SLA: variants seen among roughly 807,000 people sequenced by gnomAD.
The protein encoded by SLA is src-like-adapter.
Under a neutral mutation model 30.3 loss-of-function variants are expected in SLA, and 16 were observed. That is an observed-to-expected ratio of 0.53 (90% CI 0.36 to 0.80). The LOEUF is 0.80. Ranked by LOEUF, SLA falls within the 30% of genes least tolerant of loss-of-function variation. The probability of loss-of-function intolerance (pLI) is 0.01; values close to 1 mark genes in which losing one functional copy is unlikely to be tolerated. For synonymous variants in SLA, 143 were observed against 137.8 expected, an observed-to-expected ratio of 1.04 and a Z score of -0.26; for missense variants, 310 against 345.2, an observed-to-expected ratio of 0.90 and a Z score of 0.81.
At chr8:133,101,214 C>T (rs562753078) in intron 1 of SLA, among the ~76,000 whole-genome samples, 366 of 152,274 alleles carry the variant, frequency 2.4e-3, no homozygotes, top group Non-Finnish European at 4.2e-3. Context: ...GATTCTACCC[C>T]ACACAGAACT....
rs185010044 is a variant in SLA, at chr8:133,055,218, C to A, written c.62-4303G>T. On this transcript the variant is annotated intron_variant, in intron 3 of 8. Transcript: ENST00000338087. ...CAGGGTTAGCATAAGCAGCTCAGGG[C>A]AACTGGTGGGTAGGGAGCTGTACAG... Among the ~76,000 whole-genome samples, 288 of 152,202 alleles carry A rather than the reference C, an allele frequency of 1.9e-3. 1 individual carries two copies. The highest frequency in any genetic ancestry group is 6.7e-3 in the African/African-American group (280 of 41,512).
intron 3 of SLA, among the ~76,000 whole-genome samples, chr8:133,055,829 A>G (rs1325387257): frequency 8.7e-5 from 1 of 11,454 alleles, no homozygotes; most frequent in Admixed American, 4.6e-4. Context: ...CATCACCAGC[A>G]GCAGCAGCAG....
chr8:133,077,988 T>C (rs1845165706), intron 1 of SLA, among the ~76,000 whole-genome samples: 1 of 151,996 alleles, frequency 6.6e-6, no homozygotes, highest in Admixed American at 6.6e-5. Flanking sequence ...ATAAGACACG[T>C]GTGAAGGTTG....
In SLA at chr8:133,037,186, G is replaced by C. The variant is rs1450877347; in HGVS notation, c.*1338C>G. On this transcript the variant is annotated 3_prime_UTR_variant, in exon 9 of 9. Coordinates refer to ENST00000338087, the MANE Select transcript of SLA (RefSeq NM_001045556.3). ...TTCCCCAGGATCCCTTTGAAACAGG[G>C]AAACATGAGTCACAGATTCATCTGC... 6.6e-6 allele frequency: 1 copy of C among 152,190 alleles called. No individual in the cohort carries two copies. Among genetic ancestry groups the C allele is most frequent in the Non-Finnish European group, 1.5e-5 (1 of 68,044 alleles). 9.4% of individuals were successfully genotyped at this position (152,190 alleles called of 1,614,324 possible).
intron 1 of SLA, among the ~76,000 whole-genome samples, chr8:133,079,860 TG>T (rs745621100): frequency 6.6e-6 from 1 of 152,024 alleles, no homozygotes; most frequent in Non-Finnish European, 1.5e-5. Flanking sequence ...AAACTGTTGA[TG>T]GGATTCCCAT....
chr8:133,042,639 A>C (rs1394830736), intron 7 of SLA, among the ~76,000 whole-genome samples: 1 of 147,454 alleles, frequency 6.8e-6, no homozygotes, highest in African/African-American at 2.5e-5. Flanking sequence ...GCTAGATGTC[A>C]ATTCAAACCC....
chr8:133,067,173 C>A (rs1372550245), intron 2 of SLA, among the ~76,000 whole-genome samples: 2 of 152,158 alleles, frequency 1.3e-5, no homozygotes, highest in Non-Finnish European at 2.9e-5. Context: ...CCTGACCTCA[C>A]TTCACAGGTG....
Position 133,038,643 on chromosome 8 carries a change from A to C in SLA, c.712T>G (p.Ser238Ala). Reference protein sequence around the residue: ...GLRESIASYLSLTSEDNTSFD... With the variant: ...GLRESIASYLALTSEDNTSFD... Reference sequence around the variant, plus strand: ...GAGGTGTTGTCCTCACTGGTCAGGGACAGGTAAGAGGCAATGCTCTCTCGA... The same window carrying C: ...GAGGTGTTGTCCTCACTGGTCAGGGCCAGGTAAGAGGCAATGCTCTCTCGA... The change falls in exon 9 of 9, where the codon TCC becomes GCC. Residue 238 changes from serine (S) to alanine (A), a missense_variant. Ser to Ala is a moderately conservative substitution (Grantham distance 99). Transcript: ENST00000338087. 4 of 1,613,932 alleles carry C rather than the reference A, an allele frequency of 2.5e-6. No homozygotes were observed. The South Asian group carries it at 4.4e-5, about 18-fold the overall frequency.
chr8:133,070,037 A>C (rs1350410652), intron 2 of SLA, among the ~76,000 whole-genome samples: 3 of 150,854 alleles, frequency 2.0e-5, no homozygotes, highest in African/African-American at 7.3e-5. Flanking sequence ...GAAAGAAAGA[A>C]AGAAAAGAAA....
intron 1 of SLA, among the ~76,000 whole-genome samples, chr8:133,096,984 G>T (rs1326543229): frequency 6.6e-6 from 1 of 152,184 alleles, no homozygotes; most frequent in Non-Finnish European, 1.5e-5. Context: ...GCTAACCCTG[G>T]AAGAGGCTGA....
At chr8:133,087,160 T>C (rs1489822234) in intron 1 of SLA, among the ~76,000 whole-genome samples, 1 of 149,964 alleles carries the variant, frequency 6.7e-6, no homozygotes, top group Non-Finnish European at 1.5e-5. Flanking sequence ...CATTTAACAG[T>C]GGTTTTCTTT....
intron 3 of SLA, among the ~76,000 whole-genome samples, chr8:133,053,214 G>A (rs1467811040): frequency 6.6e-6 from 1 of 152,102 alleles, no homozygotes; most frequent in East Asian, 1.9e-4. Flanking sequence ...TCTTCCTCTT[G>A]GCCCCTAAGA....
intron 7 of SLA, among the ~76,000 whole-genome samples, chr8:133,043,541 G>A (rs1485548197): frequency 6.6e-6 from 1 of 152,156 alleles, no homozygotes; most frequent in Non-Finnish European, 1.5e-5. Flanking sequence ...CTACATGAAC[G>A]ATTGTGTTTA....
In SLA at chr8:133,039,377, G is replaced by A. The variant is rs192886524; in HGVS notation, c.617+621C>T. On this transcript the variant is annotated intron_variant, in intron 8 of 8. Coordinates refer to ENST00000338087, the MANE Select transcript of SLA (RefSeq NM_001045556.3). ...TAAATTTTAGTAAAAATTAATTTTT[G>A]TTATTTACAAGAAAGAGCAGTTTTC... Among the ~76,000 whole-genome samples the A allele has an allele frequency of 9.9e-5, 15 of 152,204 alleles. 1 individual carries two copies. In the South Asian group the frequency reaches 1.9e-3, roughly 19 times the overall value.
chr8:133,063,968 T>C (rs778560589), intron 2 of SLA: 16 of 152,212 alleles, frequency 1.1e-4, no homozygotes, highest in Non-Finnish European at 1.9e-4. Context: ...ACCGGAGACA[T>C]AATTGCTTCT....
In SLA at chr8:133,038,505, C is replaced by A; in HGVS notation, c.*19G>T. On this transcript the variant is annotated 3_prime_UTR_variant, in exon 9 of 9. Coordinates refer to ENST00000338087, the MANE Select transcript of SLA (RefSeq NM_001045556.3). Reference sequence around the variant, plus strand: ...AACTTCTGTTCCTTTTGGGCATGAACCATTGTGTCTGTTCTTGGCTAGTCC... The same window carrying A: ...AACTTCTGTTCCTTTTGGGCATGAAACATTGTGTCTGTTCTTGGCTAGTCC... 1 of 1,572,200 alleles carries A rather than the reference C, an allele frequency of 6.4e-7. No homozygotes were observed. Among genetic ancestry groups the A allele is most frequent in the Non-Finnish European group, 8.8e-7 (1 of 1,141,662 alleles).
At chr8:133,077,220 A>G (rs1200791519) in intron 1 of SLA, among the ~76,000 whole-genome samples, 5 of 152,186 alleles carry the variant, frequency 3.3e-5, no homozygotes. Context: ...GGGAAAGACA[A>G]TCAGCCCTAA....
At chr8:133,095,247 G>A (rs1363112868) in intron 1 of SLA, 7 of 1,613,914 alleles carry the variant, frequency 4.3e-6, no homozygotes, top group Non-Finnish European at 5.9e-6. Context: ...GACATTCTCT[G>A]GTCTTTTACA....
chr8:133,064,230 A>G (rs1445281869), intron 2 of SLA: 1 of 152,232 alleles, frequency 6.6e-6, no homozygotes, highest in East Asian at 1.9e-4. Flanking sequence ...CGAGCCTGAT[A>G]ACCCCATTTA....
Sources: gnomAD v4.1 joint callset for allele counts (sites outside exome capture counted in the v4.1 genomes callset) on GRCh38, gnomAD v4.1.1 for gene constraint, MANE v1.5 for transcripts, NCBI Gene and HGNC (gene_info 2026-07-23, HGNC 2026-07-21) for gene names.